Variants in SPART observed in about 807,000 individuals in gnomAD.
SPART encodes spastic paraplegia 20 (Troyer syndrome).
Under a neutral mutation model 58.7 loss-of-function variants are expected in SPART, and 35 were observed. The observed-to-expected ratio is 0.60, with a 90% CI of 0.46 to 0.79. The LOEUF (loss-of-function observed/expected upper bound fraction) is 0.79, where lower values mean the gene tolerates loss of function less well. SPART is among the 30% of genes least tolerant of loss of function. SPART has a pLI of 0.00. For synonymous variants in SPART, 284 were observed against 280.7 expected, an observed-to-expected ratio of 1.01 and a Z score of -0.12; for missense variants, 730 against 786.1, an observed-to-expected ratio of 0.93 and a Z score of 0.85.
Position 36,313,039 on chromosome 13 carries a change from T to C in SPART, c.1484-562A>G, listed in dbSNP as rs1033823094. ...AAAAAGATAATTTTACTAAATTTAATGGTAATCCATTAAGGTCCTATCTAC... is the reference window on the plus strand; with the variant it reads ...AAAAAGATAATTTTACTAAATTTAACGGTAATCCATTAAGGTCCTATCTAC... On this transcript the variant is annotated intron_variant, in intron 6 of 8. Coordinates refer to ENST00000438666, the MANE Select transcript of SPART (RefSeq NM_015087.5). Among the ~76,000 whole-genome samples the C allele has an allele frequency of 2.0e-5, 3 of 152,282 alleles. 1 individual carries two copies. The South Asian group carries it at 6.2e-4, about 32-fold the overall frequency.
intron 1 of SPART, chr13:36,368,546 T>C (rs1237202395): frequency 6.4e-6 from 1 of 155,636 alleles, no homozygotes; most frequent in Non-Finnish European, 1.4e-5. Context: ...ACCTTGTTGA[T>C]TTAATCAGTA....
At chr13:36,306,286 C>T (rs935842887) in intron 8 of SPART, among the ~76,000 whole-genome samples, 1 of 152,070 alleles carries the variant, frequency 6.6e-6, no homozygotes, top group Non-Finnish European at 1.5e-5. Context: ...CTGATGGTGC[C>T]TTCTCATTGT....
At chr13:36,346,718 C>G (rs957188733), upstream of SPART, 5 of 152,968 alleles carry the variant, frequency 3.3e-5, no homozygotes, top group African/African-American at 9.6e-5. Context: ...GCAGACCCCC[C>G]CAGGCACGGT....
chr13:36,342,297 G>A (rs1884655902), intron 1 of SPART, among the ~76,000 whole-genome samples: 2 of 152,058 alleles, frequency 1.3e-5, no homozygotes, highest in Admixed American at 6.5e-5. Context: ...AGCATTAATT[G>A]CCTTAGATCA....
chr13:36,327,378 C>T (rs1054131446), intron 4 of SPART, among the ~76,000 whole-genome samples: 2 of 152,116 alleles, frequency 1.3e-5, no homozygotes, highest in East Asian at 3.9e-4. Context: ...CAAAGAATGT[C>T]ACATAAAATA....
At chr13:36,325,914 T>C (rs1054406714) in intron 5 of SPART, 1 of 152,460 alleles carries the variant, frequency 6.6e-6, no homozygotes, top group Non-Finnish European at 1.5e-5. Flanking sequence ...TATCATAAAC[T>C]AGTAGCTTAT....
chr13:36,351,445 TCTTC>T (rs1885406872), intron 1 of SPART, among the ~76,000 whole-genome samples: 1 of 152,240 alleles, frequency 6.6e-6, no homozygotes, highest in South Asian at 2.1e-4. Flanking sequence ...TTAAAGTCTG[TCTTC>T]CTTAAGATTG....
chr13:36,346,787 C>G (rs975510494), upstream of SPART: 1 of 152,392 alleles, frequency 6.6e-6, no homozygotes, highest in Admixed American at 6.5e-5. Context: ...CCAGCGAAAC[C>G]GAGGCCTCCG....
At chr13:36,333,817 C>T (rs906917666) in intron 2 of SPART, among the ~76,000 whole-genome samples, 2 of 152,136 alleles carry the variant, frequency 1.3e-5, no homozygotes, top group African/African-American at 4.8e-5. Flanking sequence ...CTACAAACCC[C>T]AATCAATAAG....
At chr13:36,353,346 G>A (rs1885496517) in intron 1 of SPART, among the ~76,000 whole-genome samples, 2 of 152,176 alleles carry the variant, frequency 1.3e-5, no homozygotes, top group Admixed American at 6.5e-5. Flanking sequence ...GAGACCCTTG[G>A]ACATTTTGAA....
At chr13:36,316,506 C>T (rs1379361691) in intron 5 of SPART, among the ~76,000 whole-genome samples, 1 of 152,172 alleles carries the variant, frequency 6.6e-6, no homozygotes, top group Non-Finnish European at 1.5e-5. Context: ...GATGACATTA[C>T]CTTGTGAAAG....
intron 4 of SPART, 48 bp from the exon 5 acceptor site, chr13:36,326,746 G>T (rs1442319369): frequency 1.2e-6 from 2 of 1,600,408 alleles, no homozygotes; most frequent in Non-Finnish European, 1.7e-6. Flanking sequence ...TACTAAGAGG[G>T]GGAAAACTGT....
rs370258773 is a variant in SPART at position 36,326,745 on chromosome 13, G to C, written c.1165-47C>G. 5.6e-4 allele frequency: 901 copies of C among 1,599,390 alleles called. 4 individuals are homozygous for C. Among genetic ancestry groups the C allele is most frequent in the Non-Finnish European group, 8.5e-5 (99 of 1,170,454 alleles). On this transcript the variant is annotated intron_variant, in intron 4 of 8. Transcript: ENST00000438666. ...AAATGTGAAGAGTTAGTACTAAGAG[G>C]GGGAAAACTGTAAGCATTATATAAC...
intron 1 of SPART, among the ~76,000 whole-genome samples, chr13:36,338,057 G>A (rs562399925): frequency 6.6e-6 from 1 of 152,292 alleles, no homozygotes; most frequent in East Asian, 1.9e-4. Context: ...GGAAAAGGCT[G>A]AGATATGAAC....
chr13:36,314,131 G>A (rs1412625802), intron 6 of SPART, 96 bp downstream of exon 6: 2 of 1,256,654 alleles, frequency 1.6e-6, no homozygotes, highest in Non-Finnish European at 2.3e-6. Context: ...TTATTCTTGA[G>A]ATTAAACCAT....
chr13:36,319,719 G>T (rs1882162983), intron 5 of SPART, among the ~76,000 whole-genome samples: 1 of 140,380 alleles, frequency 7.1e-6, no homozygotes, highest in African/African-American at 2.5e-5. Context: ...CTATCCCTTT[G>T]CACCCTTCAT....
chr13:36,351,642 T>C (rs1296804363), intron 1 of SPART, among the ~76,000 whole-genome samples: 1 of 152,214 alleles, frequency 6.6e-6, no homozygotes, highest in Admixed American at 6.5e-5. Context: ...AGGAATGATA[T>C]ATGCCTATTT....
chr13:36,326,911 GTAAGATTTAAATACCAATA>G (rs1255022608), intron 4 of SPART, among the ~76,000 whole-genome samples: 4 of 151,960 alleles, frequency 2.6e-5, no homozygotes, highest in Admixed American at 1.3e-4. Flanking sequence ...ATCTTGACTG[GTAAGATTTAAATACCAATA>G]TAAGTCCAAT....
intron 1 of SPART, among the ~76,000 whole-genome samples, chr13:36,356,746 A>G (rs1885636302): frequency 6.6e-6 from 1 of 152,228 alleles, no homozygotes. Context: ...AGGCTGTGTC[A>G]CAGACCACGA....
Sources: gnomAD v4.1 joint callset for allele counts (sites outside exome capture counted in the v4.1 genomes callset) on GRCh38, gnomAD v4.1.1 for gene constraint, MANE v1.5 for transcripts, NCBI Gene and HGNC (gene_info 2026-07-23, HGNC 2026-07-21) for gene names.